SPOCK3: variants seen among roughly 807,000 people sequenced by gnomAD.
SPOCK3 encodes the protein testican-3.
SPOCK3 carries 30 observed loss-of-function variants against 56.6 expected under a neutral mutation model. The ratio of observed to expected loss-of-function variants is 0.53; its 90% CI spans 0.40 to 0.72. SPOCK3 has a LOEUF of 0.72. Ranked by LOEUF, SPOCK3 falls within the 30% of genes least tolerant of loss-of-function variation. The probability of loss-of-function intolerance (pLI) is 0.00; values close to 1 mark genes in which losing one functional copy is unlikely to be tolerated. For synonymous variants in SPOCK3, 196 were observed against 183.3 expected, an observed-to-expected ratio of 1.07 and a Z score of -0.56; for missense variants, 527 against 530.0, an observed-to-expected ratio of 0.99 and a Z score of 0.06.
At chr4:167,160,347 C>A (rs1000058444) in intron 2 of SPOCK3, among the ~76,000 whole-genome samples, 1 of 151,994 alleles carries the variant, frequency 6.6e-6, no homozygotes. Flanking sequence ...ATGTGAAGGA[C>A]CTCTTCAAGG....
chr4:167,055,943 A>G (rs1462784241), intron 3 of SPOCK3, among the ~76,000 whole-genome samples: 2 of 152,190 alleles, frequency 1.3e-5, no homozygotes, highest in Admixed American at 1.3e-4. Context: ...AGCTTTGAAG[A>G]GAGCAGTGGT....
rs1560926835 is a variant in SPOCK3 at position 166,847,682 on chromosome 4, A to ATATATATATATATATATAT, written c.589+41447_589+41448insATATATATATATATATATA. 4.0e-3 allele frequency among the ~76,000 whole-genome samples: 110 copies of ATATATATATATATATATAT among 27,212 alleles called. 1 individual carries two copies. Among genetic ancestry groups the ATATATATATATATATATAT allele is most frequent in the Non-Finnish European group, 7.7e-3 (78 of 10,138 alleles). The allele number at this position is 27,212 out of a possible 152,430, so 17.9% of individuals were successfully genotyped here. On this transcript the variant is annotated intron_variant, in intron 6 of 10. Transcript: ENST00000357545. ...ATATATATATATATATATATATATA[A>ATATATATATATATATATAT]GAATCATGTTTACTTTTTTTTACAG... is the stretch of plus-strand genomic sequence containing the variant.
chr4:167,142,281 G>T (rs1473107199), intron 2 of SPOCK3, among the ~76,000 whole-genome samples: 1 of 151,906 alleles, frequency 6.6e-6, no homozygotes, highest in East Asian at 1.9e-4. Flanking sequence ...TCTCTAAAAT[G>T]GTGGTGAGAT....
intron 2 of SPOCK3, among the ~76,000 whole-genome samples, chr4:167,161,931 CG>C (rs1172724122): frequency 6.6e-5 from 10 of 151,682 alleles, no homozygotes; most frequent in Non-Finnish European, 5.9e-5. Flanking sequence ...AGGAGATATA[CG>C]TAATGTTAAA....
intron 6 of SPOCK3, among the ~76,000 whole-genome samples, chr4:166,794,214 A>AAAC (rs1353648251): frequency 1.3e-5 from 2 of 148,666 alleles, no homozygotes; most frequent in African/African-American, 4.9e-5. Flanking sequence ...ATAAGGCAAA[A>AAAC]AAAAAAAAAA....
rs1746972663 is a variant in SPOCK3, at chr4:166,984,887, C to G, written c.350+15462G>C. On this transcript the variant is annotated intron_variant, in intron 4 of 10. Coordinates refer to ENST00000357545, the MANE Select transcript of SPOCK3 (RefSeq NM_001040159.2). ...ATCATTTTGTTTCATAACAATAATTCTTTAACTCCTGTCTTTAATGATCAT... is the reference window on the plus strand; with the variant it reads ...ATCATTTTGTTTCATAACAATAATTGTTTAACTCCTGTCTTTAATGATCAT... Among the ~76,000 whole-genome samples, 3 of 152,090 alleles carry G rather than the reference C, an allele frequency of 2.0e-5. No individual in the cohort carries two copies. In the South Asian group the frequency reaches 6.2e-4, roughly 32 times the overall value.
At chr4:167,126,285 C>T (rs1288481766) in intron 2 of SPOCK3, among the ~76,000 whole-genome samples, 2 of 152,144 alleles carry the variant, frequency 1.3e-5, no homozygotes, top group African/African-American at 2.4e-5. Flanking sequence ...CTGTGGCTCA[C>T]ACATGTAATC....
intron 4 of SPOCK3, among the ~76,000 whole-genome samples, chr4:166,983,424 A>G (rs1746802766): frequency 6.6e-6 from 1 of 152,068 alleles, no homozygotes. Context: ...TAGTGATAAC[A>G]TGTCATATTT....
intron 7 of SPOCK3, among the ~76,000 whole-genome samples, chr4:166,775,742 G>T (rs746688248): frequency 1.3e-5 from 2 of 152,178 alleles, no homozygotes; most frequent in Non-Finnish European, 2.9e-5. Flanking sequence ...TCTATTCACT[G>T]TTGGAATCCT....
chr4:166,869,385 C>A (rs1003734638), intron 6 of SPOCK3, among the ~76,000 whole-genome samples: 1 of 152,056 alleles, frequency 6.6e-6, no homozygotes, highest in African/African-American at 2.4e-5. Context: ...CCAAACTAAA[C>A]CCTCAAGGAG....
At chr4:166,955,844 G>C (rs1743396998) in intron 4 of SPOCK3, among the ~76,000 whole-genome samples, 1 of 151,726 alleles carries the variant, frequency 6.6e-6, no homozygotes, top group Non-Finnish European at 1.5e-5. Flanking sequence ...ATGAGCTGAG[G>C]AGCAGGATAG....
intron 3 of SPOCK3, among the ~76,000 whole-genome samples, chr4:167,022,665 C>T (rs1348725982): frequency 6.6e-6 from 1 of 151,980 alleles, no homozygotes; most frequent in East Asian, 1.9e-4. Context: ...TCAGAGGTAA[C>T]CCTGAAACAT....
intron 6 of SPOCK3, among the ~76,000 whole-genome samples, chr4:166,854,465 C>T (rs777970944): frequency 6.6e-6 from 1 of 152,158 alleles, no homozygotes; most frequent in Non-Finnish European, 1.5e-5. Flanking sequence ...CAAATAGCTA[C>T]AATAAATTGG....
intron 6 of SPOCK3, among the ~76,000 whole-genome samples, chr4:166,883,832 A>C (rs1489650403): frequency 1.3e-5 from 2 of 152,216 alleles, no homozygotes; most frequent in Non-Finnish European, 2.9e-5. Flanking sequence ...GTACTAAAGA[A>C]TTTAAGAAAA....
chr4:167,002,725 C>T (rs1465722719), intron 3 of SPOCK3, among the ~76,000 whole-genome samples: 2 of 151,982 alleles, frequency 1.3e-5, no homozygotes, highest in Non-Finnish European at 2.9e-5. Context: ...AAGCTGTCTT[C>T]GAAATACTGC....
intron 6 of SPOCK3, among the ~76,000 whole-genome samples, chr4:166,827,253 A>G (rs912451465): frequency 6.6e-6 from 1 of 152,090 alleles, no homozygotes; most frequent in Non-Finnish European, 1.5e-5. Flanking sequence ...TGAATACTCA[A>G]TCTTTGACAA....
At chr4:167,080,878 C>CTT (rs766090610) in intron 2 of SPOCK3, among the ~76,000 whole-genome samples, 60 of 129,016 alleles carry the variant, frequency 4.7e-4, no homozygotes, top group African/African-American at 1.1e-3. Flanking sequence ...CTCTTTCTTT[C>CTT]TTTTTTTTTT....
At position 167,003,218 on chromosome 4, in the gene SPOCK3, A is replaced by T. The variant is rs576921432; in HGVS notation, c.236-2755T>A. ...AATAGAACAAATTTAACACATGAAA[A>T]ATAATGTAATGAGTTTTACATAGGA... is the stretch of plus-strand genomic sequence containing the variant. On this transcript the variant is annotated intron_variant, in intron 3 of 10. Transcript: ENST00000357545. 6.6e-5 allele frequency among the ~76,000 whole-genome samples: 10 copies of T among 152,338 alleles called. No individual in the cohort carries two copies. The East Asian group carries it at 1.9e-3, about 29-fold the overall frequency.
At chr4:167,208,180 CT>C (rs1734533575) in intron 2 of SPOCK3, among the ~76,000 whole-genome samples, 1 of 151,940 alleles carries the variant, frequency 6.6e-6, no homozygotes, top group African/African-American at 2.4e-5. Flanking sequence ...AAATATTTGT[CT>C]TTGAATCACC....
Sources: gnomAD v4.1 joint callset for allele counts (sites outside exome capture counted in the v4.1 genomes callset) on GRCh38, gnomAD v4.1.1 for gene constraint, MANE v1.5 for transcripts, NCBI Gene and HGNC (gene_info 2026-07-23, HGNC 2026-07-21) for gene names.